KIAA0319L: variants seen among roughly 807,000 people sequenced by gnomAD.
KIAA0319L encodes dyslexia-associated protein KIAA0319-like protein.
In KIAA0319L, 55 loss-of-function variants were observed where a neutral mutation model predicts 120.1. The ratio of observed to expected loss-of-function variants is 0.46; its 90% CI spans 0.37 to 0.57. The LOEUF is 0.57. Among genes scored for constraint, KIAA0319L ranks in the 20% least tolerant of loss-of-function variants. KIAA0319L has a pLI of 0.00. For synonymous variants in KIAA0319L, 398 were observed against 471.9 expected (o/e 0.84, Z 2.03); for missense variants, 1,049 against 1,255.3 (o/e 0.84, Z 2.48).
chr1:35,440,854 AGTGG>A (rs1203690996), intron 20 of KIAA0319L, 189 bp downstream of exon 20: 3 of 596,168 alleles, frequency 5.0e-6, no homozygotes, highest in African/African-American at 3.7e-5. Flanking sequence ...TAGCACGCGA[AGTGG>A]GTCCTGGAGG....
chr1:35,514,412 A>G (rs1287949243), intron 2 of KIAA0319L, among the ~76,000 whole-genome samples: 2 of 152,184 alleles, frequency 1.3e-5, no homozygotes, highest in African/African-American at 4.8e-5. Context: ...CCCCCACTTA[A>G]AAGGCACAGA....
chr1:35,456,907 G>GGAAGGAAT (rs752864548), intron 9 of KIAA0319L, among the ~76,000 whole-genome samples: 1 of 130,306 alleles, frequency 7.7e-6, no homozygotes, highest in South Asian at 2.5e-4. Flanking sequence ...AGGGAAAGAA[G>GGAAGGAAT]GAAGGAATGA....
At chr1:35,509,343 G>C (rs1300199869) in intron 2 of KIAA0319L, among the ~76,000 whole-genome samples, 2 of 152,136 alleles carry the variant, frequency 1.3e-5, no homozygotes, top group African/African-American at 4.8e-5. Context: ...ATTTTGAACA[G>C]AATGAAAATA....
At chr1:35,528,526 C>T (rs892920968) in intron 2 of KIAA0319L, among the ~76,000 whole-genome samples, 6 of 152,090 alleles carry the variant, frequency 3.9e-5, no homozygotes, top group Non-Finnish European at 7.4e-5. Context: ...GTTGAGGTTT[C>T]GTGGTCTGAC....
chr1:35,474,239 C>T (rs1643814434), intron 5 of KIAA0319L, among the ~76,000 whole-genome samples: 1 of 152,116 alleles, frequency 6.6e-6, no homozygotes, highest in African/African-American at 2.4e-5. Context: ...GCTTTGATGT[C>T]ACGCTTGGGT....
chr1:35,534,635 G>A (rs1304726343), intron 2 of KIAA0319L, among the ~76,000 whole-genome samples: 1 of 152,102 alleles, frequency 6.6e-6, no homozygotes, highest in African/African-American at 2.4e-5. Context: ...CGAGGCAGGT[G>A]GATCACGAGG....
At chr1:35,519,605 C>G (rs1168979741) in intron 2 of KIAA0319L, among the ~76,000 whole-genome samples, 1 of 152,188 alleles carries the variant, frequency 6.6e-6, no homozygotes, top group Non-Finnish European at 1.5e-5. Flanking sequence ...CTTCAAAATT[C>G]TGTGTGGCAT....
At chr1:35,515,336 A>ATTG (rs1645638093) in intron 2 of KIAA0319L, among the ~76,000 whole-genome samples, 1 of 151,104 alleles carries the variant, frequency 6.6e-6, no homozygotes, top group South Asian at 2.1e-4. Context: ...AAAGAACCAA[A>ATTG]ATTGTACCAA....
chr1:35,444,040 A>C, intron 17 of KIAA0319L, 121 bp downstream of exon 17: 4 of 865,642 alleles, frequency 4.6e-6, no homozygotes, highest in Non-Finnish European at 6.9e-6. Flanking sequence ...TAGTAGTGCA[A>C]GAGAATGATT....
rs1205126631 is a variant in KIAA0319L, at chr1:35,506,550, T to C, written c.666+62A>G. On this transcript the variant is annotated intron_variant, in intron 3 of 20. Transcript: ENST00000325722. This position sits in a 1 kb window ranked among gnomAD's most constrained non-coding sequence, Gnocchi z 4.0. ...CCGCAAGCATCAGCTTCATTGCTCA[T>C]ATATACCAAATGTAAGAGCAGATTT... 4.7e-6 allele frequency: 7 copies of C among 1,492,372 alleles called. No individual in the cohort carries two copies. The Admixed American group carries it at 9.3e-5, about 20-fold the overall frequency. 92.4% of individuals were successfully genotyped at this position (1,492,372 alleles called of 1,614,324 possible). A position where few individuals can be genotyped will look rare whatever the true frequency, so the allele number is the denominator to read the frequency against.
chr1:35,434,986 C>T lies in KIAA0319L; in HGVS notation c.3058G>A (p.Glu1020Lys), dbSNP rs1424185070. The T allele has an allele frequency of 6.2e-7, 1 of 1,614,220 alleles. No homozygotes were observed. Among genetic ancestry groups the T allele is most frequent in the African/African-American group, 1.3e-5 (1 of 75,060 alleles). ...TGACCATGCAGGAGTTTGCCCTTCT[C>T]TCGGTCTGGCCATGTAAAGATGGCA... ...DDAIFTWPDR[E>K]KGKLLHGQNG... Residue 1020 changes from glutamate to lysine, a missense_variant, in exon 21 of 21, where the codon GAG becomes AAG. Coordinates refer to ENST00000325722, the MANE Select transcript of KIAA0319L (RefSeq NM_024874.5).
In KIAA0319L at chr1:35,434,722, T is replaced by C; in HGVS notation, c.*172A>G. 2 of 586,154 alleles carry C rather than the reference T, an allele frequency of 3.4e-6. No individual in the cohort carries two copies. The highest frequency in any genetic ancestry group is 6.0e-6 in the Non-Finnish European group (2 of 335,006). The allele number at this position is 586,154 out of a possible 1,614,324, so 36.3% of individuals were successfully genotyped here. A position where few individuals can be genotyped will look rare whatever the true frequency, so the allele number is the denominator to read the frequency against. On this transcript the variant is annotated 3_prime_UTR_variant, in exon 21 of 21. Transcript: ENST00000325722. ...GGAAACCTCTTCATTCACAGCTTCG[T>C]TGAGGGGTTCCTGGAGGACGTCTCT...
chr1:35,538,314 G>C (rs1441984341), intron 2 of KIAA0319L, among the ~76,000 whole-genome samples: 1 of 152,170 alleles, frequency 6.6e-6, no homozygotes, highest in South Asian at 2.1e-4. Flanking sequence ...AGTTAGGCCA[G>C]GCACAGTGGC....
chr1:35,542,399 T>A (rs974988477), intron 2 of KIAA0319L, among the ~76,000 whole-genome samples: 2 of 152,232 alleles, frequency 1.3e-5, no homozygotes, highest in African/African-American at 4.8e-5. Flanking sequence ...CTCTGTCTCC[T>A]ATCTCTTGCT....
At chr1:35,553,856 C>A (rs1647536091) in intron 2 of KIAA0319L, among the ~76,000 whole-genome samples, 1 of 152,212 alleles carries the variant, frequency 6.6e-6, no homozygotes, top group Non-Finnish European at 1.5e-5. Context: ...ATCAACATAG[C>A]CCCTCTCTAT....
At chr1:35,476,148 CAT>C (rs1351963765) in intron 4 of KIAA0319L, among the ~76,000 whole-genome samples, 2 of 152,156 alleles carry the variant, frequency 1.3e-5, no homozygotes, top group Non-Finnish European at 2.9e-5. Flanking sequence ...AGCTATTTCA[CAT>C]ATGTCAGAGT....
At chr1:35,531,737 G>A (rs117033306) in intron 2 of KIAA0319L, among the ~76,000 whole-genome samples, 3 of 152,132 alleles carry the variant, frequency 2.0e-5, no homozygotes, top group Non-Finnish European at 4.4e-5. Flanking sequence ...TATCCACCTC[G>A]CTTCCCTCTC....
At position 35,470,886 on chromosome 1, in the gene KIAA0319L, A is replaced by C; in HGVS notation, c.1090T>G (p.Ser364Ala). ...ACCTTCGATAGTTTGAGGATCTGGG[A>C]ATGTTTCCCTTCCATTTCTCCACTG... ...DYSGEMEGKH[S>A]QILKLSKLTP... The change falls in exon 6 of 21, where the codon TCC (serine) becomes GCC (alanine). Residue 364 changes from serine (S) to alanine (A), a missense_variant. Coordinates refer to ENST00000325722, the MANE Select transcript of KIAA0319L (RefSeq NM_024874.5). The C allele has an allele frequency of 6.2e-7, 1 of 1,612,526 alleles. No homozygotes were observed. The highest frequency in any genetic ancestry group is 1.1e-5 in the South Asian group (1 of 91,042).
In KIAA0319L at chr1:35,461,746, G is replaced by C. The variant is rs115966988; in HGVS notation, c.1294+875C>G. 8.4e-3 allele frequency among the ~76,000 whole-genome samples: 1,285 copies of C among 152,196 alleles called. 21 individuals carry two copies. Among genetic ancestry groups the C allele is most frequent in the African/African-American group, 0.03 (1,227 of 41,528 alleles). On this transcript the variant is annotated intron_variant, in intron 8 of 20. Coordinates refer to ENST00000325722, the MANE Select transcript of KIAA0319L (RefSeq NM_024874.5). The stretch of plus-strand genomic sequence containing the variant: ...CTATTCAAAACTGTAAAATAAAACA[G>C]TACAACGTGAGCCCTTTCTACCACT...
Sources: allele counts gnomAD v4.1 joint callset (sites outside exome capture counted in the v4.1 genomes callset), GRCh38; gene constraint gnomAD v4.1.1; non-coding constraint Gnocchi (gnomAD v3.1); transcripts MANE v1.5; gene names NCBI Gene and HGNC (gene_info 2026-07-23, HGNC 2026-07-21).